RAB3IP: variants seen among roughly 807,000 people sequenced by gnomAD.
RAB3IP encodes the protein rab-3A-interacting protein.
A neutral mutation model predicts 59.1 loss-of-function variants in RAB3IP; 36 were observed. The observed-to-expected ratio is 0.61, with a 90% CI of 0.47 to 0.80. The LOEUF is 0.80. Ranked by LOEUF, RAB3IP falls within the 30% of genes least tolerant of loss-of-function variation. RAB3IP has a pLI of 0.00. For missense variants in RAB3IP, 511 were observed against 536.0 expected (o/e 0.95, Z 0.46); for synonymous variants, 207 against 191.2 (o/e 1.08, Z -0.68).
rs190025126 is a variant in RAB3IP at position 69,797,802 on chromosome 12, C to T, written c.889-2407C>T. On this transcript the variant is annotated intron_variant, in intron 6 of 10. Transcript: ENST00000247833. ...GGTTTTTTGTTCTTGCGATAGTTTA[C>T]TGAGAATGATGATTTCCAGTTTCAT... Among the ~76,000 whole-genome samples the T allele has an allele frequency of 2.2e-3, 331 of 151,864 alleles. 4 individuals carry two copies. The East Asian group carries it at 0.054, about 25-fold the overall frequency.
chr12:69,810,374 G>C (rs1012756866), intron 8 of RAB3IP, among the ~76,000 whole-genome samples: 10 of 152,164 alleles, frequency 6.6e-5, no homozygotes, highest in South Asian at 2.1e-4. Flanking sequence ...CAGTCTGCCT[G>C]TTCTCAGATC....
chr12:69,813,112 G>C, intron 10 of RAB3IP, 79 bp downstream of exon 10: 1 of 966,326 alleles, frequency 1.0e-6, no homozygotes, highest in Non-Finnish European at 1.6e-6. Flanking sequence ...AAAAAGTATA[G>C]AATAGTAGTA....
At chr12:69,807,941 G>A (rs1461022848) in intron 8 of RAB3IP, among the ~76,000 whole-genome samples, 2 of 151,864 alleles carry the variant, frequency 1.3e-5, no homozygotes, top group East Asian at 3.9e-4. Flanking sequence ...CCTCCCAGAC[G>A]GGTTGGCCAG....
intron 1 of RAB3IP, among the ~76,000 whole-genome samples, chr12:69,741,524 C>T (rs916554952): frequency 3.9e-5 from 6 of 152,192 alleles, no homozygotes; most frequent in African/African-American, 9.7e-5. Flanking sequence ...TTTCTGAAGA[C>T]GGTGATACCA....
intron 3 of RAB3IP, among the ~76,000 whole-genome samples, chr12:69,769,597 G>A (rs1872774665): frequency 6.6e-6 from 1 of 152,146 alleles, no homozygotes; most frequent in African/African-American, 2.4e-5. Context: ...ACTTCCAAGT[G>A]GCCAAGGCAT....
At chr12:69,738,597 A>G (rs188281568), upstream of RAB3IP, 3 of 81,394 alleles carry the variant, frequency 3.7e-5, no homozygotes, top group Admixed American at 1.2e-4. Flanking sequence ...CGCGGGCCCG[A>G]CGAAACAGAG....
At position 69,815,893 on chromosome 12, in the gene RAB3IP, A is replaced by AT. The variant is rs1881087765; in HGVS notation, c.*452dup. 1 of 152,686 alleles carries AT rather than the reference A, an allele frequency of 6.5e-6. No homozygotes were observed. The highest frequency in any genetic ancestry group is 1.5e-5 in the Non-Finnish European group (1 of 68,106). The allele number at this position is 152,686 out of a possible 1,614,324, so 9.5% of individuals were successfully genotyped here. A position where few individuals can be genotyped will look rare whatever the true frequency, so the allele number is the denominator to read the frequency against. On this transcript the variant is annotated 3_prime_UTR_variant, in exon 11 of 11. Coordinates refer to ENST00000247833, the MANE Select transcript of RAB3IP (RefSeq NM_022456.5). ...AGGCCCCCACCTCTAGAATGGCTTT[A>AT]TTTTTATCTGTTTTCTATATTGGGT...
At chr12:69,812,491 T>C (rs997551642) in intron 8 of RAB3IP, 1 of 299,964 alleles carries the variant, frequency 3.3e-6, no homozygotes, top group African/African-American at 2.2e-5. Context: ...GATTACTGAT[T>C]TGTAAATTTG....
intron 8 of RAB3IP, among the ~76,000 whole-genome samples, chr12:69,802,816 A>G (rs572734657): frequency 5.9e-5 from 9 of 152,324 alleles, no homozygotes; most frequent in South Asian, 2.1e-4. Flanking sequence ...GTTGTTGTTT[A>G]GGTGACCATT....
chr12:69,775,435 A>G (rs1338816817), intron 3 of RAB3IP, among the ~76,000 whole-genome samples: 4 of 124,154 alleles, frequency 3.2e-5, no homozygotes, highest in Non-Finnish European at 6.6e-5. Context: ...CCTGGCCAGA[A>G]CTTCCAACAC....
Position 69,760,877 on chromosome 12 carries a change from A to G in RAB3IP, c.510+4214A>G, listed in dbSNP as rs112353451. On this transcript the variant is annotated intron_variant, in intron 3 of 10. Coordinates refer to ENST00000247833, the MANE Select transcript of RAB3IP (RefSeq NM_022456.5). ...ATGTGATTGTGATTTGCTTTGGTGT[A>G]GTTTCTTCAGCTTTCTTATGTTTGG... is the stretch of plus-strand genomic sequence containing the variant. Among the ~76,000 whole-genome samples, 63 of 151,894 alleles carry G rather than the reference A, an allele frequency of 4.1e-4. 1 individual carries two copies. The highest frequency in any genetic ancestry group is 1.5e-3 in the African/African-American group (61 of 41,216).
At chr12:69,814,457 A>T (rs1029361294) in intron 10 of RAB3IP, among the ~76,000 whole-genome samples, 36 of 152,246 alleles carry the variant, frequency 2.4e-4, no homozygotes, top group African/African-American at 8.7e-4. Context: ...TAGGGCAGCT[A>T]AATCTAAAGC....
intron 8 of RAB3IP, among the ~76,000 whole-genome samples, chr12:69,809,834 A>G (rs528297233): frequency 5.3e-5 from 8 of 152,082 alleles, no homozygotes; most frequent in East Asian, 3.9e-4. Context: ...CTTCTTTGCC[A>G]TTGGTTCGAA....
intron 3 of RAB3IP, among the ~76,000 whole-genome samples, chr12:69,769,321 T>A (rs906995247): frequency 2.6e-5 from 4 of 152,190 alleles, no homozygotes; most frequent in Admixed American, 6.5e-5. Flanking sequence ...GTGTCTTTCC[T>A]TCATAGCATC....
intron 3 of RAB3IP, among the ~76,000 whole-genome samples, chr12:69,762,784 AAAG>A (rs1244317595): frequency 2.0e-5 from 3 of 147,400 alleles, no homozygotes; most frequent in Non-Finnish European, 4.5e-5. Context: ...AAAAAAGAAA[AAAG>A]AGAAAAAGAG....
At chr12:69,769,246 C>T (rs1158519481) in intron 3 of RAB3IP, among the ~76,000 whole-genome samples, 1 of 152,132 alleles carries the variant, frequency 6.6e-6, no homozygotes, top group Non-Finnish European at 1.5e-5. Flanking sequence ...CTAATACGTG[C>T]CCAGATTAAA....
chr12:69,761,337 A>C (rs906375147), intron 3 of RAB3IP, among the ~76,000 whole-genome samples: 3 of 152,236 alleles, frequency 2.0e-5, no homozygotes, highest in Non-Finnish European at 2.9e-5. Flanking sequence ...TCTTCAGATA[A>C]TAAGCTGGGG....
At chr12:69,750,710 T>G (rs1250498124) in intron 1 of RAB3IP, among the ~76,000 whole-genome samples, 1 of 148,036 alleles carries the variant, frequency 6.8e-6, no homozygotes, top group Non-Finnish European at 1.5e-5. Context: ...AGAGGCTTGT[T>G]TGATTTGGGG....
At chr12:69,798,392 T>G (rs7964304) in intron 6 of RAB3IP, among the ~76,000 whole-genome samples, 95,988 of 150,228 alleles carry the variant, frequency 0.64, 31,092 homozygotes, top group Non-Finnish European at 0.69. Flanking sequence ...TCTTGTAAAT[T>G]TGTTTGAGTT....
Sources: gnomAD v4.1 joint callset for allele counts (sites outside exome capture counted in the v4.1 genomes callset) on GRCh38, gnomAD v4.1.1 for gene constraint, MANE v1.5 for transcripts, NCBI Gene and HGNC (gene_info 2026-07-23, HGNC 2026-07-21) for gene names.